The following ASAH2 variants were observed in gnomAD, a reference collection of about 807,000 sequenced individuals.
ASAH2 encodes the protein neutral ceramidase.
In ASAH2, 58 loss-of-function variants were observed where a neutral mutation model predicts 82.9. That is an observed-to-expected ratio of 0.70 (90% CI 0.57 to 0.87). The LOEUF is 0.87. Among genes scored for constraint, ASAH2 ranks in the 40% least tolerant of loss-of-function variants. The pLI is 0.00. For missense variants in ASAH2, 779 were observed against 834.0 expected, an observed-to-expected ratio of 0.93 and a Z score of 0.81; for synonymous variants, 276 against 289.7, an observed-to-expected ratio of 0.95 and a Z score of 0.48.
At chr10:50,241,654 G>A (rs570335076) in intron 4 of ASAH2, among the ~76,000 whole-genome samples, 16 of 152,128 alleles carry the variant, frequency 1.1e-4, no homozygotes, top group Admixed American at 7.2e-4. Context: ...GTCCATCCAT[G>A]ATAGACTAGA....
intron 12 of ASAH2, among the ~76,000 whole-genome samples, chr10:50,208,074 C>A (rs1845351088): frequency 6.6e-6 from 1 of 151,828 alleles, no homozygotes; most frequent in Non-Finnish European, 1.5e-5. Context: ...ATAATCTGAG[C>A]AGATACAGAG....
At position 50,248,626 on chromosome 10, in the gene ASAH2, G is replaced by A. The variant is rs751951726; in HGVS notation, c.-16C>T. On this transcript the variant is annotated 5_prime_UTR_variant, in exon 2 of 21. Transcript: ENST00000682911. Reference sequence around the variant, plus strand: ...GTTTGGCCATTTCTTCTCAGGTACAGCAGAGATGGAAGAAGAAATACTGAA... The same window carrying A: ...GTTTGGCCATTTCTTCTCAGGTACAACAGAGATGGAAGAAGAAATACTGAA... 3.1e-6 allele frequency: 5 copies of A among 1,608,816 alleles called. No homozygotes were observed. Among genetic ancestry groups the A allele is most frequent in the Non-Finnish European group, 4.2e-6 (5 of 1,177,794 alleles).
At chr10:50,218,959 C>G (rs1041785671) in intron 7 of ASAH2, among the ~76,000 whole-genome samples, 1 of 152,154 alleles carries the variant, frequency 6.6e-6, no homozygotes, top group African/African-American at 2.4e-5. Flanking sequence ...GATAGGCACA[C>G]AGGTAGTAAT....
chr10:50,244,141 T>C (rs1170067421), intron 3 of ASAH2, among the ~76,000 whole-genome samples: 1 of 152,204 alleles, frequency 6.6e-6, no homozygotes, highest in Admixed American at 6.5e-5. Context: ...GAGCGGGACA[T>C]ATGCAGAACG....
chr10:50,226,907 A>G (rs1457186698), intron 7 of ASAH2, among the ~76,000 whole-genome samples: 2 of 152,194 alleles, frequency 1.3e-5, no homozygotes, highest in Non-Finnish European at 2.9e-5. Flanking sequence ...AATAAGAGCA[A>G]TTGTTGTGTT....
chr10:50,233,286 A>T, intron 6 of ASAH2, 25 bp from the exon 7 acceptor site: 1 of 1,529,458 alleles, frequency 6.5e-7, no homozygotes, highest in Non-Finnish European at 9.1e-7. Context: ...AGAAAAGCAC[A>T]GTCAGTTCTG....
intron 5 of ASAH2, 81 bp downstream of exon 5, chr10:50,235,807 T>TTTGG (rs1162520179): frequency 1.3e-6 from 2 of 1,483,586 alleles, no homozygotes; most frequent in African/African-American, 2.8e-5. Flanking sequence ...CCTATAGGGA[T>TTTGG]TCTTTATATC....
At chr10:50,196,126 T>A (rs1844973906) in intron 18 of ASAH2, among the ~76,000 whole-genome samples, 1 of 151,842 alleles carries the variant, frequency 6.6e-6, no homozygotes, top group South Asian at 2.1e-4. Flanking sequence ...CATGTATACA[T>A]ATTTCAAAAC....
intron 7 of ASAH2, among the ~76,000 whole-genome samples, chr10:50,226,485 G>C (rs1219324535): frequency 6.6e-6 from 1 of 151,930 alleles, no homozygotes. Context: ...TAAAAGAAAA[G>C]AAGATTTTAA....
At position 50,187,118 on chromosome 10, in the gene ASAH2, TCACACACACA is replaced by T. The variant is rs1171385681; in HGVS notation, c.*187_*196del. On this transcript the variant is annotated 3_prime_UTR_variant, in exon 21 of 21. Coordinates refer to ENST00000682911, the MANE Select transcript of ASAH2 (RefSeq NM_019893.4). Reference sequence around the variant, plus strand: ...CTCTCTCTCTCTCTCTCTCTCTCTCTCACACACACACACACACACACACACACACACACAC... The same window carrying T: ...CTCTCTCTCTCTCTCTCTCTCTCTCTCACACACACACACACACACACACAC... 0.014 allele frequency: 2,176 copies of T among 156,392 alleles called. 10 individuals are homozygous for T. The highest frequency in any genetic ancestry group is 0.015 in the Non-Finnish European group (1,298 of 86,866). 9.7% of individuals were successfully genotyped at this position (156,392 alleles called of 1,614,324 possible).
chr10:50,222,463 A>G (rs1233616529), intron 7 of ASAH2, among the ~76,000 whole-genome samples: 2 of 151,848 alleles, frequency 1.3e-5, no homozygotes, highest in Non-Finnish European at 2.9e-5. Flanking sequence ...TATTTTTTGT[A>G]GAGATGGGGT....
At chr10:50,241,598 A>G (rs755223949) in intron 4 of ASAH2, among the ~76,000 whole-genome samples, 42 of 152,178 alleles carry the variant, frequency 2.8e-4, no homozygotes, top group Non-Finnish European at 1.5e-5. Context: ...ACATATGTTT[A>G]TTGTGGCACT....
At chr10:50,198,991 T>C (rs1845065425) in intron 17 of ASAH2, 60 bp downstream of exon 17, 20 of 1,438,258 alleles carry the variant, frequency 1.4e-5, no homozygotes, top group East Asian at 2.4e-5. Context: ...CATACAGACA[T>C]ACACACACAC....
At position 50,243,354 on chromosome 10, in the gene ASAH2, A is replaced by G. The variant is rs1194075120; in HGVS notation, c.361-3T>C. The G allele has an allele frequency of 6.2e-7, 1 of 1,613,786 alleles. No individual in the cohort carries two copies. Among genetic ancestry groups the G allele is most frequent in the Admixed American group, 1.7e-5 (1 of 59,972 alleles). On this transcript the variant is annotated splice_polypyrimidine_tract_variant and splice_region_variant and intron_variant, in intron 3 of 20. Transcript: ENST00000682911. ...TGGCCGGATTTGCCATAGCCCATCT[A>G]AAGAGGAAGAGACAATCAGAGCTGC... is the stretch of plus-strand genomic sequence containing the variant.
Position 50,248,535 on chromosome 10 carries a change from C to T in ASAH2, c.76G>A (p.Ala26Thr), listed in dbSNP as rs781320322. 6.2e-7 allele frequency: 1 copy of T among 1,613,704 alleles called. No homozygotes were observed. The highest frequency in any genetic ancestry group is 2.2e-5 in the East Asian group (1 of 44,880). ...GTGATAAACAAGAGGCTGAGAAGGG[C>T]CACTGTGATGGCACTCATCATTACA... ...LLVMMSAITVALLSLLFITSG... is the reference protein window; with the variant it reads ...LLVMMSAITVTLLSLLFITSG... Residue 26 changes from alanine to threonine, a missense_variant, in exon 2 of 21, where the codon GCC (alanine) becomes ACC (threonine). By Grantham distance (58) the Ala-to-Thr change is moderately conservative. Transcript: ENST00000682911.
chr10:50,204,604 C>T (rs1479053117), intron 14 of ASAH2, among the ~76,000 whole-genome samples: 1 of 151,856 alleles, frequency 6.6e-6, no homozygotes, highest in African/African-American at 2.4e-5. Flanking sequence ...TATAATAACT[C>T]ATGGCATCAT....
At chr10:50,215,647 C>A (rs1845572537) in intron 8 of ASAH2, among the ~76,000 whole-genome samples, 1 of 152,070 alleles carries the variant, frequency 6.6e-6, no homozygotes, top group Non-Finnish European at 1.5e-5. Flanking sequence ...CTGTTCTGTT[C>A]CAATGGTCTA....
intron 15 of ASAH2, 94 bp from the exon 16 acceptor site, chr10:50,203,018 A>G (rs1845197196): frequency 2.3e-6 from 2 of 887,514 alleles, no homozygotes; most frequent in African/African-American, 1.7e-5. Flanking sequence ...TGATTACACT[A>G]TTAGTTTAAG....
chr10:50,228,673 T>A (rs1386745218), intron 7 of ASAH2, among the ~76,000 whole-genome samples: 1 of 152,054 alleles, frequency 6.6e-6, no homozygotes, highest in African/African-American at 2.4e-5. Context: ...AATATGCCTT[T>A]AAAGGGCTCC....
Sources: allele counts gnomAD v4.1 joint callset (sites outside exome capture counted in the v4.1 genomes callset), GRCh38; gene constraint gnomAD v4.1.1; transcripts MANE v1.5; gene names NCBI Gene and HGNC (gene_info 2026-07-23, HGNC 2026-07-21).